NCAM2: variants seen among roughly 807,000 people sequenced by gnomAD.
NCAM2 encodes the protein neural cell adhesion molecule 2.
In NCAM2, 30 loss-of-function variants were observed where a neutral mutation model predicts 98.1. That is an observed-to-expected ratio of 0.31 (90% CI 0.23 to 0.41). NCAM2 has a LOEUF of 0.41. Among genes scored for constraint, NCAM2 ranks in the 10% least tolerant of loss-of-function variants. The pLI, the probability that NCAM2 is intolerant of heterozygous loss-of-function variation, is 1.00. For synonymous variants in NCAM2, 368 were observed against 342.4 expected, an observed-to-expected ratio of 1.07 and a Z score of -0.83; for missense variants, 867 against 1,005.8, an observed-to-expected ratio of 0.86 and a Z score of 1.87.
chr21:21,152,456 C>T (rs531475865), intron 1 of NCAM2, among the ~76,000 whole-genome samples: 2 of 151,786 alleles, frequency 1.3e-5, no homozygotes, highest in South Asian at 4.2e-4. Flanking sequence ...ATATGTTGGT[C>T]GTCGTGATTA....
chr21:21,027,575 C>T (rs1201732112), intron 1 of NCAM2, among the ~76,000 whole-genome samples: 1 of 152,118 alleles, frequency 6.6e-6, no homozygotes, highest in Non-Finnish European at 1.5e-5. Flanking sequence ...GTGATTTCTT[C>T]AATGATAAAA....
intron 9 of NCAM2, among the ~76,000 whole-genome samples, chr21:21,409,934 C>G (rs1669524736): frequency 6.6e-6 from 1 of 151,968 alleles, no homozygotes; most frequent in East Asian, 1.9e-4. Flanking sequence ...GAGATCGAGA[C>G]CATCCTGGCT....
At chr21:21,414,998 T>G (rs563682645) in intron 10 of NCAM2, among the ~76,000 whole-genome samples, 3 of 152,130 alleles carry the variant, frequency 2.0e-5, no homozygotes, top group Admixed American at 6.5e-5. Flanking sequence ...GCTTAAAATA[T>G]TCAATAAACC....
intron 1 of NCAM2, among the ~76,000 whole-genome samples, chr21:21,159,249 TAA>T (rs892287503): frequency 5.9e-5 from 9 of 152,176 alleles, no homozygotes; most frequent in South Asian, 2.1e-4. Flanking sequence ...TTTTAAAAAA[TAA>T]AAAAGTTATA....
At chr21:21,133,424 A>G (rs2826674) in intron 1 of NCAM2, among the ~76,000 whole-genome samples, 65,435 of 152,022 alleles carry the variant, frequency 0.43, 14,716 homozygotes, top group African/African-American at 0.56. Flanking sequence ...CTTCTGCCAC[A>G]AACTGACACA....
intron 1 of NCAM2, among the ~76,000 whole-genome samples, chr21:21,133,787 A>T (rs560328013): frequency 6.6e-6 from 1 of 152,238 alleles, no homozygotes; most frequent in Non-Finnish European, 1.5e-5. Context: ...AAAGGTATTA[A>T]CTTACCCACA....
intron 11 of NCAM2, among the ~76,000 whole-genome samples, chr21:21,431,690 C>A (rs2077348562): frequency 6.6e-6 from 1 of 151,932 alleles, no homozygotes; most frequent in Middle Eastern, 3.2e-3. Context: ...TGTATTTTCA[C>A]AAGGCACCAT....
chr21:21,507,412 A>T (rs1357267791), intron 15 of NCAM2, among the ~76,000 whole-genome samples: 1 of 152,074 alleles, frequency 6.6e-6, no homozygotes, highest in African/African-American at 2.4e-5. Flanking sequence ...TTACATCTAT[A>T]CCCGTATCTG....
chr21:21,272,500 GCGCGCGCGCACACA>G (rs2072542867), intron 1 of NCAM2, among the ~76,000 whole-genome samples: 15 of 51,134 alleles, frequency 2.9e-4, no homozygotes, highest in Admixed American at 2.8e-3. Flanking sequence ...ACACACATGC[GCGCGCGCGCACACA>G]CACACACACA....
chr21:21,433,805 A>ATAAAAATAAAG (rs2077406634), intron 12 of NCAM2, among the ~76,000 whole-genome samples: 1 of 131,796 alleles, frequency 7.6e-6, no homozygotes, highest in East Asian at 2.8e-4. Context: ...TAAAAATAAA[A>ATAAAAATAAAG]GAGAGAAAAA....
chr21:21,300,630 A>G (rs2073678355), intron 5 of NCAM2, among the ~76,000 whole-genome samples: 1 of 152,082 alleles, frequency 6.6e-6, no homozygotes, highest in Admixed American at 6.6e-5. Context: ...CTTCAAGGAA[A>G]AAGGTGATAT....
At chr21:21,197,914 A>C (rs1485312588) in intron 1 of NCAM2, among the ~76,000 whole-genome samples, 1 of 152,148 alleles carries the variant, frequency 6.6e-6, no homozygotes, top group Non-Finnish European at 1.5e-5. Flanking sequence ...TTGGTGACAA[A>C]ATACTGAGTT....
At chr21:21,505,808 T>C (rs1987944459) in intron 15 of NCAM2, among the ~76,000 whole-genome samples, 2 of 152,090 alleles carry the variant, frequency 1.3e-5, no homozygotes, top group African/African-American at 2.4e-5. Flanking sequence ...ATTTTTACTT[T>C]GTACTGGGCA....
intron 14 of NCAM2, among the ~76,000 whole-genome samples, chr21:21,471,498 T>A (rs1033884185): frequency 1.2e-4 from 19 of 152,144 alleles, no homozygotes; most frequent in African/African-American, 4.6e-4. Context: ...GGTTTAGACA[T>A]ATTCAATATA....
chr21:21,455,210 C>CAAAAAAAA (rs5842926), intron 12 of NCAM2, among the ~76,000 whole-genome samples: 6 of 95,458 alleles, frequency 6.3e-5, no homozygotes, highest in African/African-American at 2.0e-4. Flanking sequence ...AACCTATTGG[C>CAAAAAAAA]AAAAAAAAAA....
chr21:20,998,452 C>G lies in NCAM2; in HGVS notation c.-112C>G, dbSNP rs1426908488. ...CGCGGGCTGCGGGCGGCTGGGGCAC[C>G]GCGGGAGCGGCGGCGGCGGCTCTAG... On this transcript the variant is annotated 5_prime_UTR_variant, in exon 1 of 18. Transcript: ENST00000400546. 2 of 1,065,014 alleles carry G rather than the reference C, an allele frequency of 1.9e-6. No homozygotes were observed. The highest frequency in any genetic ancestry group is 2.6e-5 in the Admixed American group (1 of 38,122). The allele number at this position is 1,065,014 out of a possible 1,614,324, so 66.0% of individuals were successfully genotyped here. A position where few individuals can be genotyped will look rare whatever the true frequency, so the allele number is the denominator to read the frequency against.
chr21:21,203,264 T>C (rs2069303496), intron 1 of NCAM2, among the ~76,000 whole-genome samples: 1 of 152,228 alleles, frequency 6.6e-6, no homozygotes, highest in South Asian at 2.1e-4. Flanking sequence ...GCCTTTGCTT[T>C]GTCTTGTTTT....
intron 1 of NCAM2, among the ~76,000 whole-genome samples, chr21:21,072,017 A>G (rs1053974433): frequency 6.8e-6 from 1 of 147,902 alleles, no homozygotes; most frequent in African/African-American, 2.7e-5. Flanking sequence ...GGTTCACGCC[A>G]TTCTCCTGCC....
At chr21:21,062,375 A>G (rs556091631) in intron 1 of NCAM2, among the ~76,000 whole-genome samples, 1 of 152,294 alleles carries the variant, frequency 6.6e-6, no homozygotes, top group East Asian at 1.9e-4. Flanking sequence ...TAGTATTTCA[A>G]TTCCAATCAC....
Sources: gnomAD v4.1 joint callset for allele counts (sites outside exome capture counted in the v4.1 genomes callset) on GRCh38, gnomAD v4.1.1 for gene constraint, MANE v1.5 for transcripts, NCBI Gene and HGNC (gene_info 2026-07-23, HGNC 2026-07-21) for gene names.